Variants in DPP6 observed in about 807,000 individuals in gnomAD.
DPP6 encodes the protein A-type potassium channel modulatory protein DPP6.
DPP6 carries 69 observed loss-of-function variants against 122.6 expected under a neutral mutation model. That is an observed-to-expected ratio of 0.56 (90% CI 0.46 to 0.69). The LOEUF is 0.69. DPP6 is among the 30% of genes least tolerant of loss of function. The pLI is 0.00. For missense variants in DPP6, 928 were observed against 1,116.9 expected (o/e 0.83, Z 2.41); for synonymous variants, 418 against 433.1 (o/e 0.97, Z 0.43).
At chr7:154,844,705 C>A (rs1302460913) in intron 16 of DPP6, among the ~76,000 whole-genome samples, 3 of 152,158 alleles carry the variant, frequency 2.0e-5, no homozygotes, top group Non-Finnish European at 4.4e-5. Flanking sequence ...CCTCAGACCA[C>A]CAGAGGGTCT....
intron 1 of DPP6, among the ~76,000 whole-genome samples, chr7:153,944,188 G>A (rs1024414497): frequency 3.3e-5 from 5 of 152,200 alleles, no homozygotes; most frequent in African/African-American, 9.6e-5. Context: ...GGCTCGGTCC[G>A]TCTGGCCATG....
At chr7:154,116,897 T>G (rs1047994648) in intron 1 of DPP6, among the ~76,000 whole-genome samples, 2 of 152,240 alleles carry the variant, frequency 1.3e-5, no homozygotes, top group Non-Finnish European at 2.9e-5. Context: ...TCACTCCTCA[T>G]TCTTAATTCT....
chr7:154,738,382 C>T (rs1416703063), intron 8 of DPP6, among the ~76,000 whole-genome samples: 1 of 152,226 alleles, frequency 6.6e-6, no homozygotes, highest in Non-Finnish European at 1.5e-5. Flanking sequence ...CCACCACCCT[C>T]CTAATTGCCA....
rs1800484681 is a variant in DPP6 at position 154,052,992 on chromosome 7, G to T, written c.172G>T (p.Gly58Cys). Reference protein sequence around the residue: ...AQAAAPRERGGGGGGAGGRPR... With the variant: ...AQAAAPRERGCGGGGAGGRPR... ...GGCGGCGGCGCCCCGGGAGCGCGGC[G>T]GCGGCGGCGGCGGCGCGGGTGGCCG... The change falls in exon 1 of 26, where the codon GGC becomes TGC. Residue 58 changes from glycine (G) to cysteine (C), a missense_variant. Transcript: ENST00000377770. This position sits in a 1 kb window ranked among gnomAD's most constrained non-coding sequence, Gnocchi z 4.8. 3.8e-6 allele frequency: 4 copies of T among 1,051,856 alleles called. No homozygotes were observed. The South Asian group carries it at 1.8e-4, about 46-fold the overall frequency. The allele number at this position is 1,051,856 out of a possible 1,614,324, so 65.2% of individuals were successfully genotyped here.
chr7:154,142,140 T>C (rs935114647), intron 1 of DPP6, among the ~76,000 whole-genome samples: 12 of 152,038 alleles, frequency 7.9e-5, no homozygotes, highest in African/African-American at 2.7e-4. Context: ...GATACATTGA[T>C]AATGACCTTA....
At chr7:154,313,715 A>ATATATATATG (rs1563460487) in intron 1 of DPP6, among the ~76,000 whole-genome samples, 9 of 35,806 alleles carry the variant, frequency 2.5e-4, no homozygotes, top group Admixed American at 6.0e-4. Context: ...ATATATATAT[A>ATATATATATG]CACACACACG....
intron 1 of DPP6, among the ~76,000 whole-genome samples, chr7:154,436,090 ACTT>A (rs1818837822): frequency 6.6e-6 from 1 of 151,864 alleles, no homozygotes. Context: ...TTAATATCTG[ACTT>A]CTTCTGGAAC....
chr7:154,558,887 C>A (rs1050370532), intron 4 of DPP6, among the ~76,000 whole-genome samples: 1 of 152,054 alleles, frequency 6.6e-6, no homozygotes, highest in Admixed American at 6.6e-5. Context: ...GGTTAATCCA[C>A]AAATAATTAA....
chr7:154,739,344 G>C (rs575614358), intron 8 of DPP6, among the ~76,000 whole-genome samples: 2 of 152,164 alleles, frequency 1.3e-5, no homozygotes, highest in African/African-American at 2.4e-5. Context: ...AGGGATGTTG[G>C]GGAATCTCTC....
chr7:154,521,455 T>C (rs1226769862), intron 3 of DPP6, among the ~76,000 whole-genome samples: 1 of 151,910 alleles, frequency 6.6e-6, no homozygotes, highest in Non-Finnish European at 1.5e-5. Context: ...GGGGTTTCAG[T>C]GTATCAAGCT....
At chr7:154,222,431 G>A (rs567540352) in intron 1 of DPP6, among the ~76,000 whole-genome samples, 5,168 of 143,188 alleles carry the variant, frequency 0.036, 309 homozygotes, top group African/African-American at 0.098. Flanking sequence ...CGAGGTGGGC[G>A]GATCACCTGA....
intron 1 of DPP6, among the ~76,000 whole-genome samples, chr7:153,961,779 T>G (rs1267497423): frequency 2.4e-5 from 2 of 83,334 alleles, no homozygotes; most frequent in Non-Finnish European, 4.2e-5. Context: ...CATTGGATTC[T>G]CATAAGGAGC....
chr7:154,061,787 A>AAT (rs1801966434), intron 1 of DPP6, among the ~76,000 whole-genome samples: 1 of 126,608 alleles, frequency 7.9e-6, no homozygotes, highest in Non-Finnish European at 1.7e-5. Context: ...GGAGGGAGGC[A>AAT]CCCCTCGCGA....
intron 4 of DPP6, among the ~76,000 whole-genome samples, chr7:154,541,363 G>A (rs1466323373): frequency 8.5e-5 from 13 of 152,110 alleles, no homozygotes; most frequent in Admixed American, 7.9e-4. Flanking sequence ...TTGAACTCCT[G>A]TACTCAAGCA....
At chr7:154,526,557 TTTAATTTTAA>T (rs1827421405) in intron 3 of DPP6, among the ~76,000 whole-genome samples, 1 of 152,190 alleles carries the variant, frequency 6.6e-6, no homozygotes, top group Middle Eastern at 3.2e-3. Flanking sequence ...TTTAATGTTA[TTTAATTTTAA>T]TTAATTTTAA....
chr7:154,134,355 G>C (rs1392002983), intron 1 of DPP6, among the ~76,000 whole-genome samples: 1 of 152,088 alleles, frequency 6.6e-6, no homozygotes, highest in African/African-American at 2.4e-5. Flanking sequence ...ATTATCTGAT[G>C]CTTCCACAGC....
the DPP6 span, among the ~76,000 whole-genome samples, chr7:153,796,770 C>T: frequency 2.0e-5 from 3 of 152,082 alleles, no homozygotes; most frequent in Admixed American, 2.0e-4. Flanking sequence ...TGGTCAGCTT[C>T]CTAAGTTGGC....
At chr7:154,586,712 C>T (rs553751391) in intron 5 of DPP6, among the ~76,000 whole-genome samples, 2 of 152,328 alleles carry the variant, frequency 1.3e-5, no homozygotes, top group African/African-American at 4.8e-5. Flanking sequence ...TGCCACTAAA[C>T]GAGTCCTGAG....
At chr7:154,547,347 G>GT (rs774578965) in intron 4 of DPP6, among the ~76,000 whole-genome samples, 6 of 152,218 alleles carry the variant, frequency 3.9e-5, no homozygotes, top group Non-Finnish European at 8.8e-5. Context: ...GAAATGTTTT[G>GT]TTTGGCCCAC....
Sources: gnomAD v4.1 joint callset for allele counts (sites outside exome capture counted in the v4.1 genomes callset) on GRCh38, gnomAD v4.1.1 for gene constraint, Gnocchi (gnomAD v3.1) non-coding constraint, MANE v1.5 for transcripts, NCBI Gene and HGNC (gene_info 2026-07-23, HGNC 2026-07-21) for gene names.